COMMD3: variants seen among roughly 807,000 people sequenced by gnomAD.
The protein encoded by COMMD3 is COMM domain containing 3.
COMMD3 carries 31 observed loss-of-function variants against 31.2 expected under a neutral mutation model. The observed-to-expected ratio is 0.99, with a 90% CI of 0.75 to 1.34. The LOEUF (loss-of-function observed/expected upper bound fraction) is 1.34, where lower values mean the gene tolerates loss of function less well. COMMD3 is among the 40% of genes most tolerant of loss of function. The pLI is 0.00. For synonymous variants in COMMD3, 108 were observed against 87.3 expected, an observed-to-expected ratio of 1.24 and a Z score of -1.32; for missense variants, 274 against 236.9, an observed-to-expected ratio of 1.16 and a Z score of -1.03.
intron 4 of COMMD3, 104 bp downstream of exon 4, chr10:22,318,410 A>T: frequency 1.4e-6 from 2 of 1,462,270 alleles, no homozygotes; most frequent in South Asian, 1.3e-5. Flanking sequence ...CCCAAAGAAA[A>T]GGAGCCAAAG....
intron 3 of COMMD3, 27 bp from the exon 4 acceptor site, chr10:22,318,244 TC>T (rs1835892840): frequency 6.3e-7 from 1 of 1,594,290 alleles, no homozygotes; most frequent in African/African-American, 1.4e-5. Context: ...TTTTTTTCTT[TC>T]TTTCTTGCTT....
rs369935672 is a variant in COMMD3, at chr10:22,319,992, G to A, written c.582G>A (p.Gln194=). ...DASKSLERAT[Q]L The stretch of plus-strand genomic sequence containing the variant: ...CGAAAAGCCTGGAAAGAGCAACTCA[G>A]TTGTAACTTGGGGAAGTTAACGATC... Residue 194 remains glutamine, a synonymous_variant, in exon 8 of 8, where the codon CAG becomes CAA. Coordinates refer to ENST00000376836, the MANE Select transcript of COMMD3 (RefSeq NM_012071.4). 3.1e-6 allele frequency: 5 copies of A among 1,614,140 alleles called. No individual in the cohort carries two copies. The South Asian group carries it at 5.5e-5, about 18-fold the overall frequency.
At position 22,319,992 on chromosome 10, in the gene COMMD3, GTTGTAAC is replaced by G. The variant is rs759109471; in HGVS notation, c.586_*4del. The G allele has an allele frequency of 6.2e-7, 1 of 1,614,140 alleles. No individual in the cohort carries two copies. Among genetic ancestry groups the G allele is most frequent in the Non-Finnish European group, 8.5e-7 (1 of 1,179,992 alleles). On this transcript the variant is annotated stop_lost and 3_prime_UTR_variant, in exon 8 of 8. Transcript: ENST00000376836. ...CGAAAAGCCTGGAAAGAGCAACTCA[GTTGTAAC>G]TTGGGGAAGTTAACGATCCGCCCGA...
chr10:22,316,426 C>A lies in COMMD3; in HGVS notation c.9C>A (p.Leu3=). The A allele has an allele frequency of 6.5e-7, 1 of 1,544,610 alleles. No homozygotes were observed. Among genetic ancestry groups the A allele is most frequent in the Non-Finnish European group, 8.7e-7 (1 of 1,143,194 alleles). ME[L]SESVQKGFQM... ...GTCACGGCGCGCTCACAATGGAGCT[C>A]TCGGAGTCTGTGCAGAAAGGCTTCC... is the stretch of plus-strand genomic sequence containing the variant. Residue 3 remains leucine, a synonymous_variant, in exon 1 of 8, where the codon CTC becomes CTA. Coordinates refer to ENST00000376836, the MANE Select transcript of COMMD3 (RefSeq NM_012071.4).
intron 1 of COMMD3, 103 bp downstream of exon 1, chr10:22,316,659 A>G: frequency 1.1e-5 from 15 of 1,371,898 alleles, no homozygotes; most frequent in Admixed American, 3.0e-5. Flanking sequence ...GGGAAGAGGA[A>G]GTCTCCGGGC....
intron 3 of COMMD3, 35 bp from the exon 4 acceptor site, chr10:22,318,237 T>TTTTC (rs757828064): frequency 6.3e-7 from 1 of 1,589,828 alleles, no homozygotes; most frequent in Admixed American, 1.9e-5. Context: ...AGATGTTTTT[T>TTTTC]TTTCTTTCTT....
intron 1 of COMMD3, 41 bp downstream of exon 1, chr10:22,316,597 T>C: frequency 1.4e-6 from 2 of 1,442,790 alleles, no homozygotes; most frequent in Non-Finnish European, 1.8e-6. Flanking sequence ...TCCGCCGGGG[T>C]GGAGGGGCGC....
At chr10:22,319,267 AGTGTT>A (rs1588615000) in intron 7 of COMMD3, 2 of 370,194 alleles carry the variant, frequency 5.4e-6, no homozygotes, top group Non-Finnish European at 9.5e-6. Flanking sequence ...AAACTTCTGT[AGTGTT>A]TAGTGTAAAT....
rs1186373447 is a variant in COMMD3 at position 22,316,428 on chromosome 10, C to G, written c.11C>G (p.Ser4Trp). The G allele has an allele frequency of 6.5e-7, 1 of 1,545,120 alleles. No homozygotes were observed. Among genetic ancestry groups the G allele is most frequent in the Non-Finnish European group, 8.7e-7 (1 of 1,143,516 alleles). ...CACGGCGCGCTCACAATGGAGCTCT[C>G]GGAGTCTGTGCAGAAAGGCTTCCAG... Reference protein sequence around the residue: MELSESVQKGFQML... With the variant: MELWESVQKGFQML... The change falls in exon 1 of 8, where the codon TCG (serine) becomes TGG (tryptophan). Residue 4 changes from serine (S) to tryptophan (W), a missense_variant. Coordinates refer to ENST00000376836, the MANE Select transcript of COMMD3 (RefSeq NM_012071.4).
intron 1 of COMMD3, chr10:22,316,904 G>A: frequency 5.9e-6 from 1 of 170,786 alleles, no homozygotes; most frequent in Non-Finnish European, 1.3e-5. Context: ...TTTGACAGTT[G>A]GACTTCATCT....
At position 22,318,870 on chromosome 10, in the gene COMMD3, T is replaced by C; in HGVS notation, c.468+8T>C. The C allele has an allele frequency of 6.2e-7, 1 of 1,613,590 alleles. No homozygotes were observed. The highest frequency in any genetic ancestry group is 1.3e-5 in the African/African-American group (1 of 75,054). ...GTGACCTTAAGTGTACAGGTATTTATAGATAAGTCTTATCCAATAATGAAA... is the reference window on the plus strand; with the variant it reads ...GTGACCTTAAGTGTACAGGTATTTACAGATAAGTCTTATCCAATAATGAAA... On this transcript the variant is annotated splice_region_variant and intron_variant, in intron 6 of 7. Coordinates refer to ENST00000376836, the MANE Select transcript of COMMD3 (RefSeq NM_012071.4).
At chr10:22,319,685 A>G (rs1835924043) in intron 7 of COMMD3, 1 of 420,466 alleles carries the variant, frequency 2.4e-6, no homozygotes, top group East Asian at 4.4e-5. Flanking sequence ...GAAAATTCAG[A>G]TGTATCTGGG....
rs1446223715 is a variant in COMMD3, at chr10:22,316,457, C to T, written c.40C>T (p.Leu14=). The T allele has an allele frequency of 3.9e-6, 6 of 1,550,818 alleles. No individual in the cohort carries two copies. The highest frequency in any genetic ancestry group is 2.0e-5 in the Admixed American group (1 of 51,032). ...SESVQKGFQM[L]ADPRSFDSNA... ...GTCTGTGCAGAAAGGCTTCCAGATG[C>T]TGGCGGATCCCCGCTCCTTCGACTC... Residue 14 remains leucine, a synonymous_variant, in exon 1 of 8, where the codon CTG becomes TTG. Transcript: ENST00000376836.
At chr10:22,317,382 T>G (rs1164768021) in intron 1 of COMMD3, 2 of 151,472 alleles carry the variant, frequency 1.3e-5, no homozygotes, top group Non-Finnish European at 2.9e-5. Flanking sequence ...AAAAAAAAAA[T>G]GACTGTCAAA....
Position 22,318,112 on chromosome 10 carries a change from C to G in COMMD3, c.259C>G (p.Leu87Val). ...TTTTTTTCTTTCTTCTAGCACTTAT[C>G]TAGAAGACTGTAAATTTGACAGAGA... ...RADKSTLSTY[L>V]EDCKFDRERI... is the part of the protein sequence containing the mutation. Residue 87 changes from leucine (L) to valine (V), a missense_variant, in exon 3 of 8, where the codon CTA (leucine) becomes GTA (valine). Coordinates refer to ENST00000376836, the MANE Select transcript of COMMD3 (RefSeq NM_012071.4). 1 of 1,612,614 alleles carries G rather than the reference C, an allele frequency of 6.2e-7. No individual in the cohort carries two copies. The highest frequency in any genetic ancestry group is 8.5e-7 in the Non-Finnish European group (1 of 1,179,698).
chr10:22,317,711 T>TCCA, intron 1 of COMMD3, 173 bp from the exon 2 acceptor site: 1 of 569,076 alleles, frequency 1.8e-6, no homozygotes, highest in Non-Finnish European at 3.0e-6. Context: ...TTCTTTTTAT[T>TCCA]GTTTTTCACT....
intron 1 of COMMD3, 184 bp downstream of exon 1, chr10:22,316,740 GT>G: frequency 8.8e-7 from 1 of 1,137,034 alleles, no homozygotes; most frequent in Non-Finnish European, 1.2e-6. Context: ...TCTGAGCATT[GT>G]TTTGGCCCCA....
chr10:22,320,215 G>A lies in COMMD3; in HGVS notation c.*217G>A. 7.9e-7 allele frequency: 1 copy of A among 1,273,048 alleles called. No individual in the cohort carries two copies. Among genetic ancestry groups the A allele is most frequent in the Non-Finnish European group, 1.1e-6 (1 of 948,888 alleles). 78.9% of individuals were successfully genotyped at this position (1,273,048 alleles called of 1,614,324 possible). A position where few individuals can be genotyped will look rare whatever the true frequency, so the allele number is the denominator to read the frequency against. On this transcript the variant is annotated 3_prime_UTR_variant, in exon 8 of 8. Coordinates refer to ENST00000376836, the MANE Select transcript of COMMD3 (RefSeq NM_012071.4). Reference sequence around the variant, plus strand: ...GTATTTGAATCGTTTAGTAGTAACTGTCCATTTATCCTATTTTGATCTTTT... The same window carrying A: ...GTATTTGAATCGTTTAGTAGTAACTATCCATTTATCCTATTTTGATCTTTT...
rs201525982 is a variant in COMMD3, at chr10:22,318,685, T to C, written c.383T>C (p.Val128Ala). The C allele has an allele frequency of 5.0e-6, 8 of 1,613,530 alleles. No individual in the cohort carries two copies. The highest frequency in any genetic ancestry group is 6.8e-6 in the Non-Finnish European group (8 of 1,179,608). Residue 128 changes from valine to alanine, a missense_variant, in exon 5 of 8, where the codon GTT becomes GCT. By Grantham distance (64) the Val-to-Ala change is moderately conservative. Coordinates refer to ENST00000376836, the MANE Select transcript of COMMD3 (RefSeq NM_012071.4). ...IGRSLPHITDVSWRLEYQIKT... is the reference protein window; with the variant it reads ...IGRSLPHITDASWRLEYQIKT... ...AGATCTCTCCCTCATATAACGGATG[T>C]TTCTTGGCGCTTGGAATATCAGATA...
Sources: gnomAD v4.1 joint callset for allele counts on GRCh38, gnomAD v4.1.1 for gene constraint, MANE v1.5 for transcripts, NCBI Gene and HGNC (gene_info 2026-07-23, HGNC 2026-07-21) for gene names.